KIF26B: variants seen among roughly 807,000 people sequenced by gnomAD.
KIF26B encodes the protein kinesin family member 26B, also known as kinesin-like protein KIF26B.
A neutral mutation model predicts 151.2 loss-of-function variants in KIF26B; 63 were observed. That is an observed-to-expected ratio of 0.42 (90% confidence interval 0.34 to 0.51). The LOEUF is 0.51. Among genes scored for constraint, KIF26B ranks in the 20% least tolerant of loss-of-function variants. The pLI, the probability that KIF26B is intolerant of heterozygous loss-of-function variation, is 0.07. For missense variants in KIF26B, 2,813 were observed against 2,913.6 expected (o/e 0.97, Z 0.79); for synonymous variants, 1,357 against 1,262.1 (o/e 1.08, Z -1.59).
In KIF26B at chr1:245,686,606, C is replaced by A. The variant is rs2044524816; in HGVS notation, c.3623C>A (p.Thr1208Asn). 6.2e-7 allele frequency: 1 copy of A among 1,611,578 alleles called. No homozygotes were observed. The highest frequency in any genetic ancestry group is 1.1e-5 in the South Asian group (1 of 90,750). The change falls in exon 12 of 15, where the codon ACC becomes AAC. Residue 1208 changes from threonine to asparagine, a missense_variant. Coordinates refer to ENST00000407071, the MANE Select transcript of KIF26B (RefSeq NM_018012.4). The surrounding 1 kb of genome is among the most constrained non-coding windows in gnomAD (Gnocchi z 5.6). ...GGGGTCCTGGACAGCGGCCGCCCCA[C>A]CAGCATCATCAGCTTCAACAGCGAC... ...ISGVLDSGRP[T>N]SIISFNSDCS...
chr1:245,261,098 C>T, intron 2 of KIF26B, among the ~76,000 whole-genome samples: 1 of 150,610 alleles, frequency 6.6e-6, no homozygotes, highest in Non-Finnish European at 1.5e-5. Context: ...CTGCTTCCTT[C>T]CTTCCTTCCT....
chr1:245,195,065 G>C (rs1009066295), intron 2 of KIF26B, among the ~76,000 whole-genome samples: 1 of 152,148 alleles, frequency 6.6e-6, no homozygotes, highest in African/African-American at 2.4e-5. Context: ...GGCTCTACTA[G>C]GATTTTATGT....
intron 10 of KIF26B, among the ~76,000 whole-genome samples, chr1:245,656,133 C>T (rs917502874): frequency 6.6e-6 from 1 of 152,104 alleles, no homozygotes; most frequent in Non-Finnish European, 1.5e-5. Flanking sequence ...AGATGATCTG[C>T]ATTCTTGGGC....
chr1:245,487,431 T>C (rs112005119), intron 4 of KIF26B, among the ~76,000 whole-genome samples: 3,587 of 152,274 alleles, frequency 0.024, 146 homozygotes, highest in African/African-American at 0.081. Flanking sequence ...TGGCCAGTAC[T>C]CTAGCCTGGA....
intron 2 of KIF26B, among the ~76,000 whole-genome samples, chr1:245,210,080 A>T (rs149235495): frequency 1.6e-3 from 244 of 152,354 alleles, no homozygotes; most frequent in African/African-American, 5.1e-3. Context: ...TGTGCCATGC[A>T]GCTGGTTGGA....
rs148234227 is a variant in KIF26B at position 245,419,707 on chromosome 1, T to C, written c.1128T>C (p.Thr376=). 1.0e-3 allele frequency: 1,623 copies of C among 1,613,488 alleles called. 16 individuals carry two copies. The African/African-American group carries it at 0.018, about 18-fold the overall frequency. ...AGGGCTCCTGCGTGGCCAGCGAGACTTCCACAGGCACATCGGTGGCCGCCT... is the reference window on the plus strand; with the variant it reads ...AGGGCTCCTGCGTGGCCAGCGAGACCTCCACAGGCACATCGGTGGCCGCCT... The part of the protein sequence containing the change: ...ASQGSCVASE[T]STGTSVAASF... Residue 376 remains threonine (T), a synonymous_variant, in exon 4 of 15, where the codon ACT becomes ACC. Coordinates refer to ENST00000407071, the MANE Select transcript of KIF26B (RefSeq NM_018012.4).
chr1:245,580,340 A>G (rs1034855666), intron 5 of KIF26B, among the ~76,000 whole-genome samples: 11 of 152,198 alleles, frequency 7.2e-5, no homozygotes, highest in African/African-American at 2.7e-4. Context: ...AAACAGAGAA[A>G]AAGATACTAC....
At chr1:245,419,276 G>A (rs1226941925) in intron 3 of KIF26B, among the ~76,000 whole-genome samples, 1 of 152,202 alleles carries the variant, frequency 6.6e-6, no homozygotes, top group Non-Finnish European at 1.5e-5. Context: ...GGGCTGCAAA[G>A]AGTGCATGGA....
At chr1:245,282,697 G>A (rs1671079733) in intron 2 of KIF26B, 1 of 158,494 alleles carries the variant, frequency 6.3e-6, no homozygotes, top group African/African-American at 2.4e-5. Context: ...GCTGGTATCT[G>A]GGGCAGGTGG....
intron 4 of KIF26B, among the ~76,000 whole-genome samples, chr1:245,445,889 C>G (rs544350356): frequency 1.3e-5 from 2 of 152,354 alleles, no homozygotes; most frequent in Non-Finnish European, 2.9e-5. Flanking sequence ...TCCCTTATTT[C>G]TTGCAAAATT....
At chr1:245,397,436 G>A (rs1326282849) in intron 3 of KIF26B, among the ~76,000 whole-genome samples, 1 of 151,912 alleles carries the variant, frequency 6.6e-6, no homozygotes, top group Admixed American at 6.6e-5. Flanking sequence ...GGCTGGTATC[G>A]AACTCCCGAC....
At chr1:245,203,077 T>A (rs1344909702) in intron 2 of KIF26B, among the ~76,000 whole-genome samples, 1 of 149,414 alleles carries the variant, frequency 6.7e-6, no homozygotes, top group African/African-American at 2.5e-5. Flanking sequence ...ACATTTTTAG[T>A]CTCTACTAAA....
At chr1:245,472,213 C>T (rs371840088) in intron 4 of KIF26B, among the ~76,000 whole-genome samples, 1 of 152,186 alleles carries the variant, frequency 6.6e-6, no homozygotes, top group African/African-American at 2.4e-5. Context: ...AGGCCTGTCT[C>T]CACTTATGTG....
At chr1:245,469,231 G>A (rs535933347) in intron 4 of KIF26B, among the ~76,000 whole-genome samples, 4 of 152,224 alleles carry the variant, frequency 2.6e-5, no homozygotes, top group East Asian at 1.9e-4. Flanking sequence ...GAGAAACAGC[G>A]TCACTTGGGG....
At chr1:245,654,184 T>G (rs1341119196) in intron 10 of KIF26B, among the ~76,000 whole-genome samples, 1 of 151,992 alleles carries the variant, frequency 6.6e-6, no homozygotes, top group East Asian at 1.9e-4. Context: ...GGCTGATGGC[T>G]AGATACCCAT....
chr1:245,480,037 G>T (rs1660132189), intron 4 of KIF26B, among the ~76,000 whole-genome samples: 1 of 151,852 alleles, frequency 6.6e-6, no homozygotes, highest in Non-Finnish European at 1.5e-5. Flanking sequence ...GCTGAGGCAG[G>T]TGGATCGCTT....
chr1:245,450,510 C>A (rs1659364095), intron 4 of KIF26B, among the ~76,000 whole-genome samples: 1 of 152,220 alleles, frequency 6.6e-6, no homozygotes, highest in Non-Finnish European at 1.5e-5. Context: ...TACTGTCCAG[C>A]CAGCCTGCGG....
At chr1:245,549,993 G>C (rs1661839736) in intron 5 of KIF26B, among the ~76,000 whole-genome samples, 1 of 152,134 alleles carries the variant, frequency 6.6e-6, no homozygotes, top group Admixed American at 6.6e-5. Flanking sequence ...TGGCCAGGCT[G>C]GTCTTGAACT....
chr1:245,609,235 C>A, intron 7 of KIF26B, 31 bp from the exon 8 acceptor site: 1 of 1,565,940 alleles, frequency 6.4e-7, no homozygotes. Context: ...GGACACTGAA[C>A]CTGCTTTTCT....
Sources: gnomAD v4.1 joint callset for allele counts (sites outside exome capture counted in the v4.1 genomes callset) on GRCh38, gnomAD v4.1.1 for gene constraint, Gnocchi (gnomAD v3.1) non-coding constraint, MANE v1.5 for transcripts, NCBI Gene and HGNC (gene_info 2026-07-23, HGNC 2026-07-21) for gene names.